Variants in MCC observed in about 807,000 individuals in gnomAD.
MCC encodes the protein colorectal mutant cancer protein.
In MCC, 90 loss-of-function variants were observed where a neutral mutation model predicts 116.2. That is an observed-to-expected ratio of 0.77 (90% CI 0.65 to 0.92). The LOEUF is 0.92. Among genes scored for constraint, MCC ranks in the 40% least tolerant of loss-of-function variants. MCC has a pLI of 0.00. For missense variants in MCC, 1,516 were observed against 1,312.2 expected (o/e 1.16, Z -2.40); for synonymous variants, 578 against 510.5 (o/e 1.13, Z -1.78).
intron 1 of MCC, among the ~76,000 whole-genome samples, chr5:113,452,907 C>T (rs1380397372): frequency 6.6e-6 from 1 of 152,174 alleles, no homozygotes; most frequent in African/African-American, 2.4e-5. Flanking sequence ...TTAACTTAGG[C>T]TTGTATATAA....
At chr5:113,280,181 C>G (rs539536766) in intron 3 of MCC, among the ~76,000 whole-genome samples, 1 of 152,124 alleles carries the variant, frequency 6.6e-6, no homozygotes, top group Non-Finnish European at 1.5e-5. Context: ...ACTGGGTGGG[C>G]CCCTGGGGCT....
chr5:113,127,629 TG>T (rs1264976685), intron 5 of MCC, among the ~76,000 whole-genome samples: 2 of 152,262 alleles, frequency 1.3e-5, no homozygotes, highest in African/African-American at 2.4e-5. Flanking sequence ...TTCATATGCT[TG>T]TTGGCTGCAT....
intron 3 of MCC, among the ~76,000 whole-genome samples, chr5:113,296,413 G>A (rs570432090): frequency 1.3e-5 from 2 of 152,196 alleles, no homozygotes; most frequent in Admixed American, 6.5e-5. Context: ...AGGGAAATAC[G>A]ATTTTGGCTG....
intron 12 of MCC, among the ~76,000 whole-genome samples, chr5:113,069,799 G>C (rs1042334515): frequency 6.6e-6 from 1 of 152,108 alleles, no homozygotes; most frequent in Non-Finnish European, 1.5e-5. Context: ...TGTTAGCCAG[G>C]ATGATCTTGA....
intron 1 of MCC, among the ~76,000 whole-genome samples, chr5:113,481,496 T>C (rs2150436007): frequency 6.6e-6 from 1 of 152,210 alleles, no homozygotes; most frequent in South Asian, 2.1e-4. Flanking sequence ...CCCAGCACTT[T>C]GAGAGGCTGA....
At position 113,027,229 on chromosome 5, in the gene MCC, A is replaced by G; in HGVS notation, c.*73T>C. Reference sequence around the variant, plus strand: ...CTTTCCTCCTCCTCCCAACAAGTACATGGGCCCTTCTGTCCCCAGTGGCCT... The same window carrying G: ...CTTTCCTCCTCCTCCCAACAAGTACGTGGGCCCTTCTGTCCCCAGTGGCCT... On this transcript the variant is annotated 3_prime_UTR_variant, in exon 19 of 19. Transcript: ENST00000408903. 2.7e-6 allele frequency: 4 copies of G among 1,507,092 alleles called. No homozygotes were observed. The highest frequency in any genetic ancestry group is 2.5e-5 in the South Asian group (2 of 80,900). The allele number at this position is 1,507,092 out of a possible 1,614,324, so 93.4% of individuals were successfully genotyped here.
intron 5 of MCC, among the ~76,000 whole-genome samples, chr5:113,140,308 G>A (rs1759103418): frequency 1.3e-5 from 2 of 152,216 alleles, no homozygotes; most frequent in Admixed American, 1.3e-4. Flanking sequence ...TTTATTAGAT[G>A]AGGAGGGAGA....
At chr5:113,417,128 C>T (rs1298416220) in intron 1 of MCC, among the ~76,000 whole-genome samples, 2 of 152,184 alleles carry the variant, frequency 1.3e-5, no homozygotes, top group African/African-American at 2.4e-5. Flanking sequence ...TGCCACCACG[C>T]CTGGCTAATC....
intron 1 of MCC, among the ~76,000 whole-genome samples, chr5:113,479,555 C>T (rs781341031): frequency 1.7e-4 from 25 of 146,570 alleles, no homozygotes; most frequent in Non-Finnish European, 3.2e-4. Context: ...AATGTGTCCT[C>T]TTCCAAATTG....
rs1305313270 is a variant in MCC at position 113,027,612 on chromosome 5, G to C, written c.2880-130C>G. ...AAAGATCACTCATCCTCTTCGGTAAGAATCTGAAATCTAGTGGTCAGAGGA... is the reference window on the plus strand; with the variant it reads ...AAAGATCACTCATCCTCTTCGGTAACAATCTGAAATCTAGTGGTCAGAGGA... On this transcript the variant is annotated intron_variant, in intron 18 of 18. Transcript: ENST00000408903. The C allele has an allele frequency of 3.5e-6, 3 of 863,120 alleles. No homozygotes were observed. The African/African-American group carries it at 5.1e-5, about 15-fold the overall frequency. The allele number at this position is 863,120 out of a possible 1,614,324, so 53.5% of individuals were successfully genotyped here.
intron 11 of MCC, among the ~76,000 whole-genome samples, chr5:113,080,375 T>G (rs1174268195): frequency 2.0e-5 from 3 of 152,228 alleles, no homozygotes; most frequent in Non-Finnish European, 2.9e-5. Context: ...ATGGCACTAT[T>G]CACAATAGCA....
intron 3 of MCC, among the ~76,000 whole-genome samples, chr5:113,310,051 C>T (rs1319773396): frequency 3.9e-5 from 6 of 152,112 alleles, no homozygotes; most frequent in South Asian, 4.1e-4. Context: ...AAGGAATACA[C>T]GATTTGAAGG....
intron 6 of MCC, among the ~76,000 whole-genome samples, chr5:113,104,847 T>C (rs915312422): frequency 2.0e-5 from 3 of 152,232 alleles, no homozygotes; most frequent in Admixed American, 6.5e-5. Context: ...TTTTCCATGA[T>C]AGAACCAATC....
intron 3 of MCC, among the ~76,000 whole-genome samples, chr5:113,191,531 A>G (rs1762150011): frequency 6.6e-6 from 1 of 152,112 alleles, no homozygotes; most frequent in African/African-American, 2.4e-5. Context: ...CCCTCAGCTG[A>G]GCAAAGGGGA....
chr5:113,362,326 T>C (rs1309869047), intron 2 of MCC, among the ~76,000 whole-genome samples: 1 of 152,106 alleles, frequency 6.6e-6, no homozygotes, highest in African/African-American at 2.4e-5. Flanking sequence ...TGCACCTGGC[T>C]GTCTGTGTTA....
chr5:113,339,213 C>T (rs928350005), intron 3 of MCC, among the ~76,000 whole-genome samples: 1 of 146,260 alleles, frequency 6.8e-6, no homozygotes, highest in African/African-American at 2.6e-5. Flanking sequence ...GCAACAAGAG[C>T]GAAACTCCAT....
At chr5:113,281,598 G>A (rs1392403006) in intron 3 of MCC, among the ~76,000 whole-genome samples, 2 of 152,136 alleles carry the variant, frequency 1.3e-5, no homozygotes, top group Non-Finnish European at 2.9e-5. Context: ...AATTTAAAAG[G>A]AATTAGTATT....
chr5:113,054,613 A>T (rs919604671), intron 14 of MCC, among the ~76,000 whole-genome samples: 1 of 152,168 alleles, frequency 6.6e-6, no homozygotes, highest in African/African-American at 2.4e-5. Context: ...TGCAACATGT[A>T]CCATGAAAAA....
At chr5:113,032,316 G>A (rs1163145367) in intron 17 of MCC, among the ~76,000 whole-genome samples, 1 of 151,326 alleles carries the variant, frequency 6.6e-6, no homozygotes. Context: ...CCTGAGGCAG[G>A]AGAATCGCTT....
Sources: allele counts gnomAD v4.1 joint callset (sites outside exome capture counted in the v4.1 genomes callset), GRCh38; gene constraint gnomAD v4.1.1; transcripts MANE v1.5; gene names NCBI Gene and HGNC (gene_info 2026-07-23, HGNC 2026-07-21).